SF3B6: variants seen among roughly 807,000 people sequenced by gnomAD.
SF3B6 encodes splicing factor 3b subunit 6.
In SF3B6, 3 loss-of-function variants were observed where a neutral mutation model predicts 15.9. That is an observed-to-expected ratio of 0.19 (90% CI 0.09 to 0.49). SF3B6 has a LOEUF of 0.49. Among genes scored for constraint, SF3B6 ranks in the 20% least tolerant of loss-of-function variants. The probability of loss-of-function intolerance (pLI) is 0.97; values close to 1 mark genes in which losing one functional copy is unlikely to be tolerated. For synonymous variants in SF3B6, 49 were observed against 51.1 expected, an observed-to-expected ratio of 0.96 and a Z score of 0.18; for missense variants, 71 against 154.3, an observed-to-expected ratio of 0.46 and a Z score of 2.86.
rs1664598299 is a variant in SF3B6 at position 24,068,399 on chromosome 2, G to T, written c.210C>A (p.Ala70=). 2.5e-6 allele frequency: 4 copies of T among 1,614,036 alleles called. No individual in the cohort carries two copies. Among genetic ancestry groups the T allele is most frequent in the Non-Finnish European group, 3.4e-6 (4 of 1,179,952 alleles). The change falls in exon 3 of 4, where the codon GCC becomes GCA. Residue 70 remains alanine (A), a synonymous_variant. Coordinates refer to ENST00000233468, the MANE Select transcript of SF3B6 (RefSeq NM_016047.4). ...AYVVYEDIFD[A]KNACDHLSGF... is the part of the protein sequence containing the mutation. ...CCGATAGGTGATCACATGCATTCTT[G>T]GCATCAAAGATGTCCTCATAGACCA...
At chr2:24,070,994 CT>C (rs897677718) in intron 2 of SF3B6, among the ~76,000 whole-genome samples, 28 of 150,262 alleles carry the variant, frequency 1.9e-4, no homozygotes, top group Middle Eastern at 3.5e-3. Flanking sequence ...CATTATAAAT[CT>C]TTTTTTTTTC....
At chr2:24,073,286 C>A (rs1413354964) in intron 2 of SF3B6, among the ~76,000 whole-genome samples, 9 of 152,118 alleles carry the variant, frequency 5.9e-5, no homozygotes. Flanking sequence ...TTTAGAAATC[C>A]TTTCAGATGG....
rs557161484 is a variant in SF3B6, at chr2:24,075,553, G to A, written c.30+647C>T. On this transcript the variant is annotated intron_variant, in intron 1 of 3. Coordinates refer to ENST00000233468, the MANE Select transcript of SF3B6 (RefSeq NM_016047.4). The stretch of plus-strand genomic sequence containing the variant: ...CTAACTTCATCTTACACCTCTAAGC[G>A]TTTTACTGTTGACTAATCTCTTTTT... Among the ~76,000 whole-genome samples the A allele has an allele frequency of 8.4e-4, 125 of 149,372 alleles. 1 individual carries two copies. Among genetic ancestry groups the A allele is most frequent in the Non-Finnish European group, 1.2e-3 (83 of 67,624 alleles).
intron 2 of SF3B6, among the ~76,000 whole-genome samples, chr2:24,071,530 G>A (rs1664651228): frequency 6.6e-6 from 1 of 152,078 alleles, no homozygotes; most frequent in Non-Finnish European, 1.5e-5. Flanking sequence ...ACTTGAACCT[G>A]GGAGGCGGAG....
At chr2:24,075,933 T>A (rs1189894738) in intron 1 of SF3B6, among the ~76,000 whole-genome samples, 1 of 151,686 alleles carries the variant, frequency 6.6e-6, no homozygotes, top group Non-Finnish European at 1.5e-5. Flanking sequence ...GGTCCTTAGG[T>A]GCGGGTCAAG....
intron 2 of SF3B6, among the ~76,000 whole-genome samples, chr2:24,071,779 T>C (rs1228258366): frequency 6.6e-6 from 1 of 152,146 alleles, no homozygotes; most frequent in Non-Finnish European, 1.5e-5. Context: ...CCATTCCAGA[T>C]ACAAGGAAAA....
chr2:24,076,237 G>A lies in SF3B6; in HGVS notation c.-8C>T, dbSNP rs1250379922. On this transcript the variant is annotated 5_prime_UTR_variant, in exon 1 of 4. Transcript: ENST00000233468. ...GGCCGCTTGCATCGCCATCTTGGCG[G>A]GCTGATGAAGTTACCGTAGCAGATA... 6.2e-7 allele frequency: 1 copy of A among 1,614,030 alleles called. No homozygotes were observed. Among genetic ancestry groups the A allele is most frequent in the African/African-American group, 1.3e-5 (1 of 74,904 alleles).
rs761917696 is a variant in SF3B6 at position 24,068,401 on chromosome 2, C to A, written c.208G>T (p.Ala70Ser). ...GATAGGTGATCACATGCATTCTTGG[C>A]ATCAAAGATGTCCTCATAGACCACA... is the stretch of plus-strand genomic sequence containing the variant. ...AYVVYEDIFD[A>S]KNACDHLSGF... Residue 70 changes from alanine (A) to serine (S), a missense_variant, in exon 3 of 4, where the codon GCC becomes TCC. By Grantham distance (99) the Ala-to-Ser change is moderately conservative. Transcript: ENST00000233468. 1 of 1,614,010 alleles carries A rather than the reference C, an allele frequency of 6.2e-7. No homozygotes were observed. The highest frequency in any genetic ancestry group is 1.3e-5 in the African/African-American group (1 of 74,936).
At chr2:24,068,783 G>C (rs553047402) in intron 2 of SF3B6, among the ~76,000 whole-genome samples, 1 of 152,254 alleles carries the variant, frequency 6.6e-6, no homozygotes, top group Admixed American at 6.5e-5. Context: ...TGAGTTGTGG[G>C]GACTACAGGT....
In SF3B6 at chr2:24,074,387, A is replaced by G. The variant is rs180706149; in HGVS notation, c.31-193T>C. Among the ~76,000 whole-genome samples, 1,138 of 152,318 alleles carry G rather than the reference A, an allele frequency of 7.5e-3. 5 individuals are homozygous for G. The highest frequency in any genetic ancestry group is 0.026 in the African/African-American group (1,086 of 41,562). On this transcript the variant is annotated intron_variant, in intron 1 of 3. Transcript: ENST00000233468. ...TGAAAAAGCAACAGAGGCTGGGTGC[A>G]GTGGCTGGTCCCTATAATCCCAGCA...
intron 1 of SF3B6, among the ~76,000 whole-genome samples, chr2:24,074,905 G>C (rs1038247951): frequency 6.6e-6 from 1 of 152,128 alleles, no homozygotes; most frequent in Non-Finnish European, 1.5e-5. Context: ...AAGGCAGGTG[G>C]ATCACTTGAG....
In SF3B6 at chr2:24,073,914, C is replaced by T. The variant is rs111841731; in HGVS notation, c.149+162G>A. On this transcript the variant is annotated intron_variant, in intron 2 of 3. Coordinates refer to ENST00000233468, the MANE Select transcript of SF3B6 (RefSeq NM_016047.4). ...TAGGGTCTCAGTAGGTTTTCTCCCCCCTTCAAAAAGATCTCATCTCTCTGA... is the reference window on the plus strand; with the variant it reads ...TAGGGTCTCAGTAGGTTTTCTCCCCTCTTCAAAAAGATCTCATCTCTCTGA... 1,174 of 560,596 alleles carry T rather than the reference C, an allele frequency of 2.1e-3. 8 individuals carry two copies. Among genetic ancestry groups the T allele is most frequent in the African/African-American group, 0.02 (1,042 of 51,206 alleles). 34.7% of individuals were successfully genotyped at this position (560,596 alleles called of 1,614,324 possible).
chr2:24,068,402 A>G lies in SF3B6; in HGVS notation c.207T>C (p.Asp69=), dbSNP rs1478108625. 4 of 1,614,060 alleles carry G rather than the reference A, an allele frequency of 2.5e-6. No homozygotes were observed. The highest frequency in any genetic ancestry group is 1.7e-6 in the Non-Finnish European group (2 of 1,179,996). ...ATAGGTGATCACATGCATTCTTGGC[A>G]TCAAAGATGTCCTCATAGACCACAT... ...TAYVVYEDIF[D]AKNACDHLSG... The change falls in exon 3 of 4, where the codon GAT becomes GAC. Residue 69 remains aspartate (D), a synonymous_variant. Transcript: ENST00000233468.
Position 24,074,139 on chromosome 2 carries a change from T to C in SF3B6, c.86A>G (p.Lys29Arg), listed in dbSNP as rs768092323. 1.9e-6 allele frequency: 3 copies of C among 1,610,540 alleles called. No individual in the cohort carries two copies. Among genetic ancestry groups the C allele is most frequent in the Admixed American group, 1.7e-5 (1 of 59,718 alleles). The part of the protein sequence containing the change: ...RILYIRNLPY[K>R]ITAEEMYDIF... ...ATCATACATTTCTTCAGCTGTGATT[T>C]TGTATGGCAAATTTCTTATATACAA... The change falls in exon 2 of 4, where the codon AAA (lysine) becomes AGA (arginine). Residue 29 changes from lysine to arginine, a missense_variant. Physicochemically the swap from Lys to Arg is conservative, Grantham distance 26 (BLOSUM62 2). Around this residue, in one of 3 missense-constraint regions of SF3B6, gnomAD observed 17 missense variants for 19.9 expected, o/e 0.86. Coordinates refer to ENST00000233468, the MANE Select transcript of SF3B6 (RefSeq NM_016047.4).
At chr2:24,073,022 A>G (rs1170048103) in intron 2 of SF3B6, among the ~76,000 whole-genome samples, 1 of 152,140 alleles carries the variant, frequency 6.6e-6, no homozygotes, top group Non-Finnish European at 1.5e-5. Context: ...AAGGACTGAG[A>G]CCTCCTAAAA....
At chr2:24,076,169 T>C (rs1160121326) in intron 1 of SF3B6, 31 bp downstream of exon 1, 1 of 1,614,110 alleles carries the variant, frequency 6.2e-7, no homozygotes, top group Non-Finnish European at 8.5e-7. Flanking sequence ...CCCGAAGTTC[T>C]CCCACCCTCC....
chr2:24,068,165 G>A (rs565660998), intron 3 of SF3B6, among the ~76,000 whole-genome samples, 156 bp downstream of exon 3: 20 of 152,148 alleles, frequency 1.3e-4, no homozygotes, highest in African/African-American at 4.1e-4. Flanking sequence ...GGGTTTCACC[G>A]TGTTAGCCAG....
intron 1 of SF3B6, among the ~76,000 whole-genome samples, chr2:24,075,537 T>G (rs569321674): frequency 6.6e-6 from 1 of 151,668 alleles, no homozygotes; most frequent in African/African-American, 2.4e-5. Context: ...CCTAACTTCA[T>G]CTTACACCTC....
At chr2:24,071,840 G>A (rs976153999) in intron 2 of SF3B6, among the ~76,000 whole-genome samples, 4 of 152,090 alleles carry the variant, frequency 2.6e-5, no homozygotes, top group Admixed American at 6.5e-5. Flanking sequence ...AGATGCCCCT[G>A]CTTTATTCCC....
Sources: gnomAD v4.1 joint callset for allele counts (sites outside exome capture counted in the v4.1 genomes callset) on GRCh38, gnomAD v4.1.1 for gene constraint, gnomAD v4.1.1 regional missense constraint, MANE v1.5 for transcripts, NCBI Gene and HGNC (gene_info 2026-07-23, HGNC 2026-07-21) for gene names.